The following ERICH1 variants were observed in gnomAD, a reference collection of about 807,000 sequenced individuals.
ERICH1 encodes the protein glutamate rich 1.
ERICH1 carries 56 observed loss-of-function variants against 39.6 expected under a neutral mutation model. The ratio of observed to expected loss-of-function variants is 1.41; its 90% CI spans 1.14 to 1.77. ERICH1 has a LOEUF of 1.77. Ranked by LOEUF, ERICH1 falls within the 40% of genes most tolerant of loss-of-function variation. The pLI is 0.00. For missense variants in ERICH1, 826 were observed against 575.4 expected, an observed-to-expected ratio of 1.44 and a Z score of -4.45; for synonymous variants, 313 against 223.6, an observed-to-expected ratio of 1.40 and a Z score of -3.57.
chr8:656,702 CTG>C lies in ERICH1; in HGVS notation c.976+11894_976+11895del, dbSNP rs1184079906. On this transcript the variant is annotated intron_variant, in intron 3 of 3. Transcript: ENST00000522706. ...GGAATAAAGGACATCCCCATTCACG[CTG>C]TGTCTTTCCTGCTGCAGGTCTGGGA... The C allele has an allele frequency of 6.2e-6, 6 of 968,714 alleles. No individual in the cohort carries two copies. In the Admixed American group the frequency reaches 3.1e-4, roughly 50 times the overall value. The allele number at this position is 968,714 out of a possible 1,614,324, so 60.0% of individuals were successfully genotyped here. A position where few individuals can be genotyped will look rare whatever the true frequency, so the allele number is the denominator to read the frequency against.
intron 2 of ERICH1, among the ~76,000 whole-genome samples, chr8:698,219 T>C (rs1810821283): frequency 1.4e-5 from 1 of 73,618 alleles, no homozygotes. Flanking sequence ...ATCATATTCC[T>C]TTTCTTTTTT....
chr8:668,550 G>C (rs1166174598), intron 5 of ERICH1, 48 bp downstream of exon 5: 2 of 1,607,194 alleles, frequency 1.2e-6, no homozygotes, highest in African/African-American at 1.3e-5. Context: ...GGCAAACCTC[G>C]ATGAGAGTAT....
chr8:698,840 C>T (rs1407810648), intron 2 of ERICH1, among the ~76,000 whole-genome samples: 2 of 151,406 alleles, frequency 1.3e-5, no homozygotes, highest in African/African-American at 4.9e-5. Flanking sequence ...GCTCACGGTG[C>T]ACCTCCGTCC....
chr8:700,894 C>A (rs117030975), intron 2 of ERICH1, among the ~76,000 whole-genome samples: 290 of 152,358 alleles, frequency 1.9e-3, no homozygotes, highest in Non-Finnish European at 3.0e-3. Flanking sequence ...TAAAACACAG[C>A]AAACCTACCT....
In ERICH1 at chr8:699,819, A is replaced by ACGCGC. The variant is rs1469851126; in HGVS notation, c.170-7208_170-7207insGCGCG. On this transcript the variant is annotated intron_variant, in intron 2 of 5. Transcript: ENST00000262109. ...CCCGCACACGCGCACAGATCCGCAC[A>ACGCGC]AGCGCACAGACCCGCACAGGCGCAC... 6.8e-4 allele frequency among the ~76,000 whole-genome samples: 48 copies of ACGCGC among 70,148 alleles called. 2 individuals carry two copies. The highest frequency in any genetic ancestry group is 2.7e-3 in the South Asian group (5 of 1,836). 46.0% of individuals were successfully genotyped at this position (70,148 alleles called of 152,430 possible). A position where few individuals can be genotyped will look rare whatever the true frequency, so the allele number is the denominator to read the frequency against.
intron 1 of ERICH1, among the ~76,000 whole-genome samples, chr8:718,136 G>A (rs1816450162): frequency 1.3e-5 from 2 of 151,700 alleles, no homozygotes; most frequent in South Asian, 4.2e-4. Context: ...CAACACACCA[G>A]GGTACAGATC....
rs189331296 is a variant in ERICH1 at position 728,680 on chromosome 8, A to G, written c.22+2460T>C. Among the ~76,000 whole-genome samples the G allele has an allele frequency of 2.3e-3, 344 of 152,322 alleles. 3 individuals carry two copies. Among genetic ancestry groups the G allele is most frequent in the African/African-American group, 7.7e-3 (319 of 41,574 alleles). On this transcript the variant is annotated intron_variant, in intron 1 of 5. Transcript: ENST00000262109. ...TGGGACCCTCTTCAATTAGGAGAGC[A>G]GTTCATGGTCGGAGCTGCACAGCAC... is the stretch of plus-strand genomic sequence containing the variant.
chr8:723,192 G>C (rs920592305), intron 1 of ERICH1, among the ~76,000 whole-genome samples: 1 of 152,206 alleles, frequency 6.6e-6, no homozygotes, highest in Non-Finnish European at 1.5e-5. Flanking sequence ...TTCCCCAAGA[G>C]TGGAAGCTTC....
intron 3 of ERICH1, among the ~76,000 whole-genome samples, chr8:688,426 C>T (rs528476281): frequency 6.6e-6 from 1 of 151,602 alleles, no homozygotes; most frequent in South Asian, 2.1e-4. Flanking sequence ...TCCGGCCTTC[C>T]TTAGCGCCGC....
chr8:698,890 T>TC (rs1811003993), intron 2 of ERICH1, among the ~76,000 whole-genome samples: 1 of 137,814 alleles, frequency 7.3e-6, no homozygotes, highest in African/African-American at 2.7e-5. Flanking sequence ...CCTATGGTTG[T>TC]CTCTGTGAGT....
At chr8:672,385 A>C (rs1013004614) in intron 4 of ERICH1, among the ~76,000 whole-genome samples, 2 of 152,358 alleles carry the variant, frequency 1.3e-5, no homozygotes, top group South Asian at 4.1e-4. Flanking sequence ...TCGTGTTGAA[A>C]TCAATCTATT....
In ERICH1 at chr8:675,116, G is replaced by GCGGCGCCCCC. The variant is rs1563232989; in HGVS notation, c.305-1070_305-1069insGGGGGCGCCG. 2.7e-4 allele frequency among the ~76,000 whole-genome samples: 41 copies of GCGGCGCCCCC among 150,368 alleles called. 12 individuals are homozygous for GCGGCGCCCCC. The highest frequency in any genetic ancestry group is 6.9e-3 in the Middle Eastern group (2 of 290). ...TCAACACCTCAGTGAGGACAGAGAC[G>GCGGCGCCCCC]TGGCGGCCCCTCGGCGAGGACAGAG... On this transcript the variant is annotated intron_variant, in intron 3 of 5. Coordinates refer to ENST00000262109, the MANE Select transcript of ERICH1 (RefSeq NM_207332.3).
At chr8:630,948 C>CA (rs1423738176) in intron 3 of ERICH1, among the ~76,000 whole-genome samples, 6 of 149,476 alleles carry the variant, frequency 4.0e-5, no homozygotes, top group African/African-American at 1.2e-4. Flanking sequence ...CTGACACACA[C>CA]CCTCCTGTGA....
At position 720,237 on chromosome 8, in the gene ERICH1, C is replaced by G. The variant is rs115959507; in HGVS notation, c.23-4230G>C. ...GCAGGCCGCGCAGACATACCAACGG[C>G]AGGACGCCGAGGTGCCCACGAGGAA... On this transcript the variant is annotated intron_variant, in intron 1 of 5. Coordinates refer to ENST00000262109, the MANE Select transcript of ERICH1 (RefSeq NM_207332.3). Among the ~76,000 whole-genome samples the G allele has an allele frequency of 6.8e-3, 1,038 of 152,304 alleles. 10 individuals carry two copies. Among genetic ancestry groups the G allele is most frequent in the African/African-American group, 0.024 (996 of 41,556 alleles).
At chr8:686,882 T>G (rs138667505) in intron 3 of ERICH1, among the ~76,000 whole-genome samples, 79 of 152,326 alleles carry the variant, frequency 5.2e-4, no homozygotes, top group Admixed American at 1.8e-3. Flanking sequence ...GTGACAAGAA[T>G]GAAACACTGC....
chr8:705,278 T>C lies in ERICH1; in HGVS notation c.169+10583A>G, dbSNP rs532129140. ...AGAGCGCCACTCGGCCCAGCCCTGA[T>C]ATCCAGCAGGACTCCTCCTGGACGT... is the stretch of plus-strand genomic sequence containing the variant. On this transcript the variant is annotated intron_variant, in intron 2 of 5. Transcript: ENST00000262109. Among the ~76,000 whole-genome samples the C allele has an allele frequency of 2.0e-5, 3 of 152,376 alleles. No homozygotes were observed. The East Asian group carries it at 5.8e-4, about 29-fold the overall frequency.
rs1320155160 is a variant in ERICH1 at position 645,915 on chromosome 8, C to A, written c.976+22683G>T. 5.7e-5 allele frequency among the ~76,000 whole-genome samples: 4 copies of A among 69,664 alleles called. 2 individuals are homozygous for A. The highest frequency in any genetic ancestry group is 2.5e-4 in the Admixed American group (2 of 8,110). 45.7% of individuals were successfully genotyped at this position (69,664 alleles called of 152,430 possible). The stretch of plus-strand genomic sequence containing the variant: ...ACTTGGCGCTAACTGGATGATCAGG[C>A]ATTTCTGCATGTTGAGTGCCGTGTC... On this transcript the variant is annotated intron_variant, in intron 3 of 3. Transcript: ENST00000522706.
At chr8:685,510 A>G (rs528309097) in intron 3 of ERICH1, among the ~76,000 whole-genome samples, 4 of 152,366 alleles carry the variant, frequency 2.6e-5, no homozygotes, top group African/African-American at 4.8e-5. Flanking sequence ...TGCATAGGAA[A>G]TTATAAGAGT....
chr8:638,930 A>G (rs558856415), intron 3 of ERICH1, among the ~76,000 whole-genome samples: 1 of 152,072 alleles, frequency 6.6e-6, no homozygotes, highest in African/African-American at 2.4e-5. Flanking sequence ...CCCTCCTGAC[A>G]AGACAGTTTT....
Sources: allele counts gnomAD v4.1 joint callset (sites outside exome capture counted in the v4.1 genomes callset), GRCh38; gene constraint gnomAD v4.1.1; transcripts MANE v1.5; gene names NCBI Gene and HGNC (gene_info 2026-07-23, HGNC 2026-07-21).